Variants in PIK3C2G observed in about 807,000 individuals in gnomAD.
PIK3C2G encodes phosphatidylinositol-4-phosphate 3-kinase catalytic subunit type 2 gamma.
In PIK3C2G, 168 loss-of-function variants were observed where a neutral mutation model predicts 181.1. The observed-to-expected ratio is 0.93, with a 90% CI of 0.82 to 1.05. PIK3C2G has a LOEUF of 1.05. PIK3C2G is among the 50% of genes least tolerant of loss of function. PIK3C2G has a pLI of 0.00. For synonymous variants in PIK3C2G, 573 were observed against 592.2 expected, an observed-to-expected ratio of 0.97 and a Z score of 0.47; for missense variants, 1,869 against 1,732.8, an observed-to-expected ratio of 1.08 and a Z score of -1.40.
the PIK3C2G span, among the ~76,000 whole-genome samples, chr12:18,663,567 C>A: frequency 1.3e-5 from 2 of 151,842 alleles, no homozygotes; most frequent in South Asian, 4.2e-4. Context: ...CACATTGATA[C>A]CAAAGGATGA....
At chr12:18,455,229 T>C (rs920540445) in intron 18 of PIK3C2G, among the ~76,000 whole-genome samples, 1 of 152,012 alleles carries the variant, frequency 6.6e-6, no homozygotes, top group African/African-American at 2.4e-5. Flanking sequence ...AAGAAATCGC[T>C]AGGTCCAGCC....
rs541516513 is a variant in PIK3C2G at position 18,588,076 on chromosome 12, C to T, written c.4012-6418C>T. Among the ~76,000 whole-genome samples, 884 of 152,130 alleles carry T rather than the reference C, an allele frequency of 5.8e-3. 2 individuals are homozygous for T. The highest frequency in any genetic ancestry group is 0.01 in the Middle Eastern group (3 of 294). On this transcript the variant is annotated intron_variant, in intron 29 of 32. Transcript: ENST00000538779. Reference sequence around the variant, plus strand: ...GCAGAAGACTGAAACTGGACCCCTTCTTTATGCCATATACAAAATCCACTC... The same window carrying T: ...GCAGAAGACTGAAACTGGACCCCTTTTTTATGCCATATACAAAATCCACTC...
chr12:18,464,480 G>A (rs1186151729), intron 18 of PIK3C2G, among the ~76,000 whole-genome samples: 2 of 152,022 alleles, frequency 1.3e-5, no homozygotes, highest in African/African-American at 4.8e-5. Context: ...ACAACAAACT[G>A]CCATGAATTC....
At position 18,559,801 on chromosome 12, in the gene PIK3C2G, TATATATATATATATATATATAGAGAGAG is replaced by T. The variant is rs1250678576; in HGVS notation, c.3591-2900_3591-2873del. On this transcript the variant is annotated intron_variant, in intron 26 of 32. Coordinates refer to ENST00000538779, the MANE Select transcript of PIK3C2G (RefSeq NM_001288772.2). ...TTATATATATATATATATATATATA[TATATATATATATATATATATAGAGAGAG>T]AGAGAGAGAGAGAGAGAGAGAGAGA... Among the ~76,000 whole-genome samples the T allele has an allele frequency of 5.8e-3, 311 of 53,986 alleles. 1 individual carries two copies. The highest frequency in any genetic ancestry group is 7.7e-3 in the African/African-American group (113 of 14,768). The allele number at this position is 53,986 out of a possible 152,430, so 35.4% of individuals were successfully genotyped here.
intron 13 of PIK3C2G, among the ~76,000 whole-genome samples, chr12:18,375,239 TAAAGGC>T (rs1304953193): frequency 1.3e-5 from 2 of 152,186 alleles, no homozygotes; most frequent in Non-Finnish European, 2.9e-5. Flanking sequence ...ATAGACTCTG[TAAAGGC>T]TGACAAGGTC....
chr12:18,711,529 T>TATAATAACAATA, the PIK3C2G span, among the ~76,000 whole-genome samples: 4 of 142,462 alleles, frequency 2.8e-5, no homozygotes, highest in African/African-American at 1.1e-4. Context: ...AAACTTAAAG[T>TATAATAACAATA]ATAATAATAA....
intron 2 of PIK3C2G, among the ~76,000 whole-genome samples, chr12:18,286,060 C>A (rs1949430878): frequency 6.6e-6 from 1 of 151,820 alleles, no homozygotes; most frequent in Admixed American, 6.6e-5. Context: ...TATTTCAGGG[C>A]TGAGTACTAT....
intron 12 of PIK3C2G, among the ~76,000 whole-genome samples, chr12:18,364,806 G>A (rs923077128): frequency 6.6e-6 from 1 of 152,100 alleles, no homozygotes; most frequent in Admixed American, 6.6e-5. Flanking sequence ...GCTAAGGTAG[G>A]AGATTTGCTC....
intron 24 of PIK3C2G, among the ~76,000 whole-genome samples, chr12:18,532,642 T>C (rs1414468493): frequency 6.6e-6 from 1 of 152,142 alleles, no homozygotes; most frequent in Non-Finnish European, 1.5e-5. Context: ...TGTGTGGGTC[T>C]GTTTCTATAT....
chr12:18,296,894 T>A (rs1949963742), intron 5 of PIK3C2G, among the ~76,000 whole-genome samples: 1 of 152,058 alleles, frequency 6.6e-6, no homozygotes, highest in Non-Finnish European at 1.5e-5. Flanking sequence ...ATATGATAAA[T>A]AATAGAAGAA....
Position 18,621,956 on chromosome 12 carries a change from A to T in PIK3C2G, c.4182+12327A>T, listed in dbSNP as rs1355538416. On this transcript the variant is annotated intron_variant, in intron 31 of 32. Transcript: ENST00000538779. ...TGACAAATTATAATTGTATATATGT[A>T]TGGGGGACATAAATACAAAAGTGAT... is the stretch of plus-strand genomic sequence containing the variant. 2.0e-5 allele frequency among the ~76,000 whole-genome samples: 3 copies of T among 151,844 alleles called. No homozygotes were observed. In the East Asian group the frequency reaches 5.8e-4, roughly 29 times the overall value.
At chr12:18,594,656 C>T (rs562120720) in intron 30 of PIK3C2G, 87 bp downstream of exon 30, 1 of 636,934 alleles carries the variant, frequency 1.6e-6, no homozygotes, top group South Asian at 2.7e-5. Flanking sequence ...TTCAATTTTT[C>T]AATTAAAATC....
At chr12:18,478,209 A>T (rs144104378) in intron 18 of PIK3C2G, among the ~76,000 whole-genome samples, 30 of 152,318 alleles carry the variant, frequency 2.0e-4, no homozygotes, top group East Asian at 1.7e-3. Context: ...CACCTATTGA[A>T]CTAACTTAAA....
intron 13 of PIK3C2G, among the ~76,000 whole-genome samples, chr12:18,373,025 A>C (rs539903587): frequency 3.9e-5 from 6 of 152,222 alleles, no homozygotes; most frequent in Non-Finnish European, 2.9e-5. Context: ...TTTCAAAAAA[A>C]ACCTGTTTCT....
chr12:18,459,341 C>T (rs942634374), intron 18 of PIK3C2G, among the ~76,000 whole-genome samples: 3 of 152,138 alleles, frequency 2.0e-5, no homozygotes, highest in Non-Finnish European at 2.9e-5. Flanking sequence ...AAGTCTAAGG[C>T]ATTTAGAAAA....
intron 4 of PIK3C2G, among the ~76,000 whole-genome samples, chr12:18,291,447 T>C (rs1949687678): frequency 6.6e-6 from 1 of 152,188 alleles, no homozygotes; most frequent in Admixed American, 6.5e-5. Context: ...ATGAGGAATC[T>C]AGTAGCATGG....
At chr12:18,500,885 G>C (rs183345360) in intron 22 of PIK3C2G, among the ~76,000 whole-genome samples, 2 of 152,144 alleles carry the variant, frequency 1.3e-5, no homozygotes, top group East Asian at 3.9e-4. Context: ...CCCTCACCGC[G>C]AAGGTCTGTA....
the PIK3C2G span, among the ~76,000 whole-genome samples, chr12:18,690,683 C>G: frequency 4.6e-5 from 7 of 152,142 alleles, no homozygotes; most frequent in African/African-American, 1.7e-4. Context: ...CTAACCTAGC[C>G]TAGGAAAATG....
At chr12:18,512,575 T>A (rs1458846505) in intron 24 of PIK3C2G, among the ~76,000 whole-genome samples, 1 of 151,914 alleles carries the variant, frequency 6.6e-6, no homozygotes, top group Non-Finnish European at 1.5e-5. Context: ...ATAAATGGGA[T>A]TTTCTTAATT....
Sources: allele counts gnomAD v4.1 joint callset (sites outside exome capture counted in the v4.1 genomes callset), GRCh38; gene constraint gnomAD v4.1.1; transcripts MANE v1.5; gene names NCBI Gene and HGNC (gene_info 2026-07-23, HGNC 2026-07-21).